Variants in PCDHGA11 observed in about 807,000 individuals in gnomAD.
PCDHGA11 encodes the protein protocadherin gamma subfamily A, 11.
In PCDHGA11, 39 loss-of-function variants were observed where a neutral mutation model predicts 60.4. The observed-to-expected ratio is 0.65, with a 90% CI of 0.50 to 0.84. The LOEUF (loss-of-function observed/expected upper bound fraction) is 0.84, where lower values mean the gene tolerates loss of function less well. Among genes scored for constraint, PCDHGA11 ranks in the 40% least tolerant of loss-of-function variants. The pLI is 0.00. For missense variants in PCDHGA11, 1,165 were observed against 1,197.7 expected, an observed-to-expected ratio of 0.97 and a Z score of 0.40; for synonymous variants, 533 against 510.3, an observed-to-expected ratio of 1.04 and a Z score of -0.60.
At chr5:141,492,500 C>G (rs2099741252) in intron 1 of PCDHGA11, among the ~76,000 whole-genome samples, 1 of 152,322 alleles carries the variant, frequency 6.6e-6, no homozygotes, top group South Asian at 2.1e-4. Flanking sequence ...GCGAGGACTC[C>G]GGAGCCTCCT....
At chr5:141,500,278 G>A (rs1338703900) in intron 2 of PCDHGA11, among the ~76,000 whole-genome samples, 2 of 150,508 alleles carry the variant, frequency 1.3e-5, no homozygotes, top group East Asian at 2.0e-4. Context: ...GCGCAATCTC[G>A]GCTCACTGCA....
rs376415955 is a variant in PCDHGA11, at chr5:141,432,082, C to T, written c.2433+8422C>T. ...CCACGGAAACTCATATCTCGCTGAACGTGGCAGACACCAACGACAACCCGC... is the reference window on the plus strand; with the variant it reads ...CCACGGAAACTCATATCTCGCTGAATGTGGCAGACACCAACGACAACCCGC... On this transcript the variant is annotated intron_variant, in intron 1 of 3. Transcript: ENST00000398587. This position sits in a 1 kb window ranked among gnomAD's most constrained non-coding sequence, Gnocchi z 6.0. The T allele has an allele frequency of 3.1e-6, 5 of 1,614,184 alleles. No homozygotes were observed. Among genetic ancestry groups the T allele is most frequent in the Non-Finnish European group, 4.2e-6 (5 of 1,180,028 alleles).
At chr5:141,472,256 T>C (rs2099275290) in intron 1 of PCDHGA11, among the ~76,000 whole-genome samples, 1 of 152,176 alleles carries the variant, frequency 6.6e-6, no homozygotes, top group South Asian at 2.1e-4. Flanking sequence ...TAAAGTTATA[T>C]TATAGCCGGG....
rs2154584583 is a variant in PCDHGA11, at chr5:141,490,717, A to G, written c.2434-4090A>G. The G allele has an allele frequency of 6.2e-7, 1 of 1,613,972 alleles. No individual in the cohort carries two copies. Among genetic ancestry groups the G allele is most frequent in the Non-Finnish European group, 8.5e-7 (1 of 1,179,936 alleles). On this transcript the variant is annotated intron_variant, in intron 1 of 3. Coordinates refer to ENST00000398587, the MANE Select transcript of PCDHGA11 (RefSeq NM_018914.3). The surrounding 1 kb of genome is among the most constrained non-coding windows in gnomAD (Gnocchi z 5.4). ...GGATAATGCCCGCCTCACCTACTCC[A>G]TTGTAGGAAATCAGGTTCAGGGAGC...
chr5:141,475,768 G>A (rs756539564), intron 1 of PCDHGA11, among the ~76,000 whole-genome samples: 5 of 152,280 alleles, frequency 3.3e-5, no homozygotes, highest in South Asian at 2.1e-4. Flanking sequence ...TACTGGCAAG[G>A]CGCTTTGGCT....
At position 141,432,999 on chromosome 5, in the gene PCDHGA11, A is replaced by G. The variant is rs745921704; in HGVS notation, c.2433+9339A>G. The G allele has an allele frequency of 1.1e-5, 17 of 1,614,046 alleles. No individual in the cohort carries two copies. Among genetic ancestry groups the G allele is most frequent in the East Asian group, 4.5e-5 (2 of 44,862 alleles). On this transcript the variant is annotated intron_variant, in intron 1 of 3. Coordinates refer to ENST00000398587, the MANE Select transcript of PCDHGA11 (RefSeq NM_018914.3). This position sits in a 1 kb window ranked among gnomAD's most constrained non-coding sequence, Gnocchi z 6.0. ...CACTTTGTGGGCGTGGACGGGGTGC[A>G]GGCTTTCCTGCAGACCTATTCCCAC...
intron 1 of PCDHGA11, chr5:141,429,173 C>CA (rs1561839883): frequency 7.9e-6 from 1 of 125,872 alleles, no homozygotes; most frequent in Non-Finnish European, 1.7e-5. Flanking sequence ...TGTTTATACA[C>CA]ACACACACAC....
Position 141,476,735 on chromosome 5 carries a change from G to C in PCDHGA11, c.2434-18072G>C, listed in dbSNP as rs1267556668. The C allele has an allele frequency of 6.2e-7, 1 of 1,613,974 alleles. No individual in the cohort carries two copies. Among genetic ancestry groups the C allele is most frequent in the African/African-American group, 1.3e-5 (1 of 74,940 alleles). On this transcript the variant is annotated intron_variant, in intron 1 of 3. Coordinates refer to ENST00000398587, the MANE Select transcript of PCDHGA11 (RefSeq NM_018914.3). This position sits in a 1 kb window ranked among gnomAD's most constrained non-coding sequence, Gnocchi z 7.6. ...GGAGCGCGCCCTGGACCGAGAACGG[G>C]AGCCTAGTCTCCAGTTAGTGCTGAC...
intron 1 of PCDHGA11, among the ~76,000 whole-genome samples, chr5:141,450,812 T>A (rs2098694727): frequency 7.5e-6 from 1 of 133,924 alleles, no homozygotes; most frequent in Admixed American, 7.4e-5. Context: ...ATTTATTTAT[T>A]TAATATTATT....
chr5:141,422,463 C>G lies in PCDHGA11; in HGVS notation c.1236C>G (p.Asp412Glu), dbSNP rs1461108652. 1 of 1,613,472 alleles carries G rather than the reference C, an allele frequency of 6.2e-7. No individual in the cohort carries two copies. Among genetic ancestry groups the G allele is most frequent in the Non-Finnish European group, 8.5e-7 (1 of 1,179,724 alleles). Residue 412 changes from aspartate to glutamate, a missense_variant, in exon 1 of 4, where the codon GAC (aspartate) becomes GAG (glutamate). Transcript: ENST00000398587. ...AATTGATAACAAGCAGAGTGCTGGA[C>G]AGGGAGTTGGTCCAGAGCTACAATA... ...YYKLITSRVL[D>E]RELVQSYNIT...
intron 2 of PCDHGA11, among the ~76,000 whole-genome samples, chr5:141,499,083 C>G (rs2099789346): frequency 6.6e-6 from 1 of 152,082 alleles, no homozygotes; most frequent in African/African-American, 2.4e-5. Flanking sequence ...GAAGTTCCTG[C>G]TTGGCACATG....
In PCDHGA11 at chr5:141,487,822, G is replaced by T. The variant is rs1406642768; in HGVS notation, c.2434-6985G>T. ...TGTCACAGTTTAGCATTGGGGGCGG[G>T]TCATGCCTATATCTGAGTAAGAAAT... On this transcript the variant is annotated intron_variant, in intron 1 of 3. Coordinates refer to ENST00000398587, the MANE Select transcript of PCDHGA11 (RefSeq NM_018914.3). This position sits in a 1 kb window ranked among gnomAD's most constrained non-coding sequence, Gnocchi z 5.0. The T allele has an allele frequency of 3.1e-6, 4 of 1,278,640 alleles. No homozygotes were observed. The East Asian group carries it at 7.6e-5, about 24-fold the overall frequency. 79.2% of individuals were successfully genotyped at this position (1,278,640 alleles called of 1,614,324 possible). A position where few individuals can be genotyped will look rare whatever the true frequency, so the allele number is the denominator to read the frequency against.
At chr5:141,442,309 G>C (rs1483682583) in intron 1 of PCDHGA11, 1 of 152,418 alleles carries the variant, frequency 6.6e-6, no homozygotes, top group Non-Finnish European at 1.5e-5. Flanking sequence ...TCTTTCCCAC[G>C]GATGTCTATC....
chr5:141,491,898 G>A lies in PCDHGA11; in HGVS notation c.2434-2909G>A, dbSNP rs772673872. 1.6e-5 allele frequency: 23 copies of A among 1,428,816 alleles called. No homozygotes were observed. The highest frequency in any genetic ancestry group is 3.0e-5 in the South Asian group (2 of 66,966). The allele number at this position is 1,428,816 out of a possible 1,614,324, so 88.5% of individuals were successfully genotyped here. A position where few individuals can be genotyped will look rare whatever the true frequency, so the allele number is the denominator to read the frequency against. ...ATTAAGGGATGGGGCTCCGAGCACC[G>A]GGGGTGGTGGCGACTGTGGGCGAGG... On this transcript the variant is annotated intron_variant, in intron 1 of 3. Coordinates refer to ENST00000398587, the MANE Select transcript of PCDHGA11 (RefSeq NM_018914.3). This position sits in a 1 kb window ranked among gnomAD's most constrained non-coding sequence, Gnocchi z 6.9.
intron 1 of PCDHGA11, among the ~76,000 whole-genome samples, chr5:141,488,563 C>T (rs1352750895): frequency 1.3e-5 from 2 of 152,134 alleles, no homozygotes; most frequent in Admixed American, 6.6e-5. Flanking sequence ...TTGAGATTTC[C>T]GCAAAGCATT....
chr5:141,424,538 A>G (rs547426760), intron 1 of PCDHGA11: 37 of 152,340 alleles, frequency 2.4e-4, no homozygotes, highest in African/African-American at 8.9e-4. Context: ...TATAGAAATA[A>G]CTTGATTTTG....
chr5:141,448,426 T>C (rs892222815), intron 1 of PCDHGA11, among the ~76,000 whole-genome samples: 1 of 152,164 alleles, frequency 6.6e-6, no homozygotes, highest in Non-Finnish European at 1.5e-5. Context: ...ATACTATGTA[T>C]ATATTGAGAA....
At chr5:141,430,909 G>A (rs1054175762) in intron 1 of PCDHGA11, 2 of 1,607,160 alleles carry the variant, frequency 1.2e-6, no homozygotes, top group Non-Finnish European at 1.7e-6. Context: ...ACATCTCCAG[G>A]GACCTGGGGC....
Position 141,490,909 on chromosome 5 carries a change from G to C in PCDHGA11, c.2434-3898G>C. ...ATCTCTGCATGTGTTTGTCCTAGAC[G>C]AGAATGATAATGCCCCAGCTGTGCT... On this transcript the variant is annotated intron_variant, in intron 1 of 3. Coordinates refer to ENST00000398587, the MANE Select transcript of PCDHGA11 (RefSeq NM_018914.3). This position sits in a 1 kb window ranked among gnomAD's most constrained non-coding sequence, Gnocchi z 5.4. 1 of 1,613,744 alleles carries C rather than the reference G, an allele frequency of 6.2e-7. No individual in the cohort carries two copies. The highest frequency in any genetic ancestry group is 2.2e-5 in the East Asian group (1 of 44,870).
Sources: allele counts gnomAD v4.1 joint callset (sites outside exome capture counted in the v4.1 genomes callset), GRCh38; gene constraint gnomAD v4.1.1; non-coding constraint Gnocchi (gnomAD v3.1); transcripts MANE v1.5; gene names NCBI Gene and HGNC (gene_info 2026-07-23, HGNC 2026-07-21).